The following IGSF21 variants were observed in gnomAD, a reference collection of about 807,000 sequenced individuals.
IGSF21 encodes immunoglobin superfamily member 21, also known as immunoglobulin superfamily member 21.
A neutral mutation model predicts 46.8 loss-of-function variants in IGSF21; 28 were observed. The observed-to-expected ratio is 0.60, with a 90% CI of 0.44 to 0.82. The LOEUF (loss-of-function observed/expected upper bound fraction) is 0.82, where lower values mean the gene tolerates loss of function less well. Ranked by LOEUF, IGSF21 falls within the 40% of genes least tolerant of loss-of-function variation. IGSF21 has a pLI of 0.00. For synonymous variants in IGSF21, 284 were observed against 273.6 expected, an observed-to-expected ratio of 1.04 and a Z score of -0.38; for missense variants, 624 against 665.5, an observed-to-expected ratio of 0.94 and a Z score of 0.69.
At chr1:18,357,930 G>A (rs2124626217) in intron 4 of IGSF21, among the ~76,000 whole-genome samples, 1 of 152,296 alleles carries the variant, frequency 6.6e-6, no homozygotes, top group Non-Finnish European at 1.5e-5. Flanking sequence ...ATTGTCTTAT[G>A]AGCTTGATTA....
chr1:18,251,098 G>C (rs139806328), intron 2 of IGSF21, among the ~76,000 whole-genome samples: 1 of 152,164 alleles, frequency 6.6e-6, no homozygotes, highest in African/African-American at 2.4e-5. Flanking sequence ...TGGTCACACT[G>C]TCAAGGGATT....
At chr1:18,271,397 G>C (rs1432728064) in intron 2 of IGSF21, among the ~76,000 whole-genome samples, 1 of 152,124 alleles carries the variant, frequency 6.6e-6, no homozygotes, top group Non-Finnish European at 1.5e-5. Flanking sequence ...CACATCCCAG[G>C]CCTCCACTTT....
intron 2 of IGSF21, among the ~76,000 whole-genome samples, chr1:18,258,526 T>G (rs223185): frequency 3.9e-5 from 6 of 151,986 alleles, no homozygotes; most frequent in Non-Finnish European, 7.4e-5. Flanking sequence ...ATAAGTACAC[T>G]GTTTGAATTT....
Position 18,153,669 on chromosome 1 carries a change from G to A in IGSF21, c.70+45471G>A, listed in dbSNP as rs571127676. On this transcript the variant is annotated intron_variant, in intron 1 of 9. Coordinates refer to ENST00000251296, the MANE Select transcript of IGSF21 (RefSeq NM_032880.5). ...CTACTTCGCAAATGAGGCAACTGAG[G>A]GTCAGGAGAGTGAAGTGATCATCTG... Among the ~76,000 whole-genome samples the A allele has an allele frequency of 5.9e-5, 9 of 152,046 alleles. No homozygotes were observed. In the East Asian group the frequency reaches 7.8e-4, roughly 13 times the overall value.
intron 1 of IGSF21, among the ~76,000 whole-genome samples, chr1:18,164,011 A>T (rs1009785395): frequency 1.3e-5 from 2 of 152,212 alleles, no homozygotes; most frequent in Non-Finnish European, 1.5e-5. Context: ...TGAACGTGAA[A>T]AGAAGTAGAG....
chr1:18,138,561 G>T (rs1313033881), intron 1 of IGSF21, among the ~76,000 whole-genome samples: 1 of 152,160 alleles, frequency 6.6e-6, no homozygotes. Context: ...CAACTGATGC[G>T]GTTTTCACTT....
At chr1:18,363,478 G>A (rs1208239808) in intron 5 of IGSF21, among the ~76,000 whole-genome samples, 3 of 76,726 alleles carry the variant, frequency 3.9e-5, no homozygotes, top group Non-Finnish European at 5.9e-5. Context: ...GGGTCACAGG[G>A]ATGCAGAGAT....
At chr1:18,220,433 T>G (rs892375991) in intron 1 of IGSF21, among the ~76,000 whole-genome samples, 3 of 152,060 alleles carry the variant, frequency 2.0e-5, no homozygotes, top group African/African-American at 7.2e-5. Flanking sequence ...GAAAAGCCCA[T>G]TAGAAACAGG....
At chr1:18,189,991 AG>A (rs2086939296) in intron 1 of IGSF21, among the ~76,000 whole-genome samples, 1 of 152,182 alleles carries the variant, frequency 6.6e-6, no homozygotes, top group Admixed American at 6.5e-5. Flanking sequence ...GGCCGGTACC[AG>A]TCCATGGCCT....
intron 1 of IGSF21, chr1:18,113,707 G>T (rs1007057609): frequency 7.1e-6 from 1 of 141,596 alleles, no homozygotes; most frequent in Non-Finnish European, 1.5e-5. Context: ...ATATTGAGCG[G>T]AGTGTCACAA....
At chr1:18,324,684 C>T (rs1487491741) in intron 3 of IGSF21, among the ~76,000 whole-genome samples, 2 of 152,174 alleles carry the variant, frequency 1.3e-5, no homozygotes. Context: ...ACATTCTGTG[C>T]TCACAAGACA....
chr1:18,303,164 G>A (rs796367987), intron 3 of IGSF21, among the ~76,000 whole-genome samples: 72 of 152,272 alleles, frequency 4.7e-4, no homozygotes, highest in African/African-American at 1.5e-3. Context: ...GCCCAGCAAC[G>A]GGTCTCAGGA....
At chr1:18,243,405 G>A (rs1290956507) in intron 2 of IGSF21, among the ~76,000 whole-genome samples, 6 of 151,984 alleles carry the variant, frequency 3.9e-5, no homozygotes, top group Non-Finnish European at 7.4e-5. Context: ...CATCGAATCC[G>A]TTCTAAAAGA....
chr1:18,219,831 G>C (rs956642620), intron 1 of IGSF21, among the ~76,000 whole-genome samples: 15 of 152,138 alleles, frequency 9.9e-5, no homozygotes, highest in Admixed American at 6.5e-5. Flanking sequence ...GCATTTCTAA[G>C]TGTGAAGTTT....
chr1:18,360,964 G>C (rs188179404), intron 4 of IGSF21, among the ~76,000 whole-genome samples: 310 of 141,824 alleles, frequency 2.2e-3, no homozygotes, highest in African/African-American at 7.3e-3. Context: ...CCTGCCCCTT[G>C]CGATGCCCCA....
intron 2 of IGSF21, among the ~76,000 whole-genome samples, chr1:18,240,230 G>A (rs1043140351): frequency 6.6e-6 from 1 of 152,200 alleles, no homozygotes; most frequent in Non-Finnish European, 1.5e-5. Flanking sequence ...GCAGTGAGCT[G>A]TGATTGCACC....
chr1:18,137,071 C>T (rs1373821430), intron 1 of IGSF21, among the ~76,000 whole-genome samples: 4 of 152,116 alleles, frequency 2.6e-5, no homozygotes, highest in Non-Finnish European at 4.4e-5. Context: ...CGTGGTTCTG[C>T]GGGCTGTACA....
chr1:18,367,590 TC>T (rs1199022593), intron 6 of IGSF21, among the ~76,000 whole-genome samples: 3 of 118,114 alleles, frequency 2.5e-5, no homozygotes, highest in South Asian at 6.2e-4. Flanking sequence ...CCTTTGATAT[TC>T]TCTCTCTCTC....
chr1:18,240,692 A>T (rs949195652), intron 2 of IGSF21, among the ~76,000 whole-genome samples: 4 of 152,152 alleles, frequency 2.6e-5, no homozygotes, highest in African/African-American at 9.7e-5. Context: ...GAGGTTAATA[A>T]CTTTCCCACA....
Sources: allele counts gnomAD v4.1 joint callset (sites outside exome capture counted in the v4.1 genomes callset), GRCh38; gene constraint gnomAD v4.1.1; transcripts MANE v1.5; gene names NCBI Gene and HGNC (gene_info 2026-07-23, HGNC 2026-07-21).